Variants in ZBTB20 observed in about 807,000 individuals in gnomAD.
ZBTB20 encodes zinc finger and BTB domain-containing protein 20.
ZBTB20 carries 9 observed loss-of-function variants against 56.9 expected under a neutral mutation model. The observed-to-expected ratio is 0.16, with a 90% CI of 0.10 to 0.28. The LOEUF (loss-of-function observed/expected upper bound fraction) is 0.28, where lower values mean the gene tolerates loss of function less well. Ranked by LOEUF, ZBTB20 falls within the 10% of genes least tolerant of loss-of-function variation. The pLI is 1.00. For missense variants in ZBTB20, 655 were observed against 1,003.0 expected (o/e 0.65, Z 4.69); for synonymous variants, 417 against 420.7 (o/e 0.99, Z 0.11).
At chr3:114,716,856 G>A (rs1171649288) in intron 5 of ZBTB20, among the ~76,000 whole-genome samples, 2 of 152,062 alleles carry the variant, frequency 1.3e-5, no homozygotes, top group African/African-American at 4.8e-5. Flanking sequence ...GGCCATACCT[G>A]AAAGTTCTGA....
intron 5 of ZBTB20, among the ~76,000 whole-genome samples, chr3:114,747,366 G>C (rs990518600): frequency 3.3e-5 from 5 of 152,084 alleles, no homozygotes; most frequent in Admixed American, 6.6e-5. Context: ...AGGAGCTCGA[G>C]ACCAGCCTGG....
chr3:115,094,915 T>C (rs1370019231), intron 1 of ZBTB20, among the ~76,000 whole-genome samples: 2 of 152,070 alleles, frequency 1.3e-5, no homozygotes, highest in Admixed American at 6.6e-5. Flanking sequence ...TTACAACCAA[T>C]TGGGCATCTA....
intron 7 of ZBTB20, among the ~76,000 whole-genome samples, chr3:114,436,065 G>C (rs1347607045): frequency 6.6e-6 from 1 of 152,154 alleles, no homozygotes; most frequent in Non-Finnish European, 1.5e-5. Context: ...CAGGCTGCTG[G>C]TGCAATCCAC....
chr3:114,386,102 T>C (rs2085084480), intron 8 of ZBTB20, among the ~76,000 whole-genome samples: 1 of 152,142 alleles, frequency 6.6e-6, no homozygotes, highest in Non-Finnish European at 1.5e-5. Context: ...AAGCTGCACT[T>C]AGCCTATAGA....
At chr3:114,677,787 AT>A (rs2061719374) in intron 6 of ZBTB20, among the ~76,000 whole-genome samples, 1 of 152,164 alleles carries the variant, frequency 6.6e-6, no homozygotes, top group African/African-American at 2.4e-5. Flanking sequence ...ATTTAATATC[AT>A]TTCATTTACT....
intron 7 of ZBTB20, among the ~76,000 whole-genome samples, chr3:114,496,188 T>G (rs1183171144): frequency 6.6e-6 from 1 of 152,196 alleles, no homozygotes; most frequent in Non-Finnish European, 1.5e-5. Context: ...CCATCTGACC[T>G]CTTGAATTTA....
intron 1 of ZBTB20, among the ~76,000 whole-genome samples, chr3:115,125,302 C>A (rs2084296772): frequency 6.6e-6 from 1 of 151,156 alleles, no homozygotes; most frequent in Non-Finnish European, 1.5e-5. Flanking sequence ...ATGATTGTGT[C>A]ACTGCACTGC....
At chr3:114,735,855 G>T (rs1479110944) in intron 5 of ZBTB20, among the ~76,000 whole-genome samples, 1 of 152,020 alleles carries the variant, frequency 6.6e-6, no homozygotes, top group Non-Finnish European at 1.5e-5. Context: ...AGCCAAAAAG[G>T]ATTCTCACCA....
chr3:114,526,417 A>G (rs2047229327), intron 6 of ZBTB20, among the ~76,000 whole-genome samples: 1 of 151,990 alleles, frequency 6.6e-6, no homozygotes. Flanking sequence ...ATTTTTTAGG[A>G]CCTGCTTCAG....
intron 3 of ZBTB20, among the ~76,000 whole-genome samples, chr3:114,967,826 G>A (rs976769733): frequency 2.6e-5 from 4 of 151,708 alleles, no homozygotes; most frequent in Admixed American, 6.6e-5. Flanking sequence ...GCGTGGTGGC[G>A]GGCACCTATA....
chr3:114,672,879 C>T (rs1415068287), intron 6 of ZBTB20, among the ~76,000 whole-genome samples: 3 of 152,072 alleles, frequency 2.0e-5, no homozygotes, highest in East Asian at 1.9e-4. Flanking sequence ...GTAAACATCA[C>T]GTGACTCAAA....
At chr3:114,421,137 C>T (rs2089131336) in intron 7 of ZBTB20, among the ~76,000 whole-genome samples, 1 of 151,992 alleles carries the variant, frequency 6.6e-6, no homozygotes, top group Admixed American at 6.6e-5. Flanking sequence ...GTTTCTTAGA[C>T]CTTTATGTCC....
At chr3:114,368,298 G>A (rs775531521) in intron 10 of ZBTB20, among the ~76,000 whole-genome samples, 14 of 152,200 alleles carry the variant, frequency 9.2e-5, no homozygotes, top group Non-Finnish European at 1.6e-4. Flanking sequence ...GACCATGGGG[G>A]TGAGAAAATA....
At chr3:114,907,478 C>T (rs552873291) in intron 3 of ZBTB20, among the ~76,000 whole-genome samples, 8 of 151,744 alleles carry the variant, frequency 5.3e-5, no homozygotes, top group South Asian at 2.1e-4. Context: ...TGAGATGCAC[C>T]GCATAACAAA....
chr3:114,847,327 C>A (rs2074761637), intron 4 of ZBTB20, among the ~76,000 whole-genome samples: 1 of 151,954 alleles, frequency 6.6e-6, no homozygotes, highest in African/African-American at 2.4e-5. Flanking sequence ...CATAGTTACC[C>A]TCCCCACCTA....
chr3:115,116,281 T>C (rs2084016321), intron 1 of ZBTB20, among the ~76,000 whole-genome samples: 1 of 152,072 alleles, frequency 6.6e-6, no homozygotes, highest in Non-Finnish European at 1.5e-5. Flanking sequence ...TCTGGGCATA[T>C]TAACTGCTGG....
intron 5 of ZBTB20, among the ~76,000 whole-genome samples, chr3:114,787,331 T>TTATATATA (rs138181405): frequency 0.016 from 1,613 of 100,140 alleles, 11 homozygotes; most frequent in Middle Eastern, 0.029. Context: ...TCTTAAAAGG[T>TTATATATA]TATATATATA....
At chr3:114,912,971 T>A (rs918464607) in intron 3 of ZBTB20, among the ~76,000 whole-genome samples, 4 of 152,078 alleles carry the variant, frequency 2.6e-5, no homozygotes, top group Admixed American at 2.6e-4. Flanking sequence ...ATTTTCTTTA[T>A]CCATTCTTTT....
chr3:114,356,359 C>A (rs1330330761), intron 10 of ZBTB20, among the ~76,000 whole-genome samples: 2 of 152,112 alleles, frequency 1.3e-5, no homozygotes, highest in Non-Finnish European at 2.9e-5. Flanking sequence ...AAGGAAACAG[C>A]AGGCAATACA....
Sources: gnomAD v4.1 joint callset for allele counts (sites outside exome capture counted in the v4.1 genomes callset) on GRCh38, gnomAD v4.1.1 for gene constraint, MANE v1.5 for transcripts, NCBI Gene and HGNC (gene_info 2026-07-23, HGNC 2026-07-21) for gene names.